RB1: variants seen among roughly 807,000 people sequenced by gnomAD.
RB1 encodes the protein RB transcriptional corepressor 1.
Under a neutral mutation model 135.4 loss-of-function variants are expected in RB1, and 18 were observed. The observed-to-expected ratio is 0.13, with a 90% CI of 0.09 to 0.20. The LOEUF is 0.20. Ranked by LOEUF, RB1 falls within the 10% of genes least tolerant of loss-of-function variation. The pLI is 1.00. For synonymous variants in RB1, 365 were observed against 373.2 expected (o/e 0.98, Z 0.25); for missense variants, 868 against 1,110.0 (o/e 0.78, Z 3.10).
rs1259675361 is a variant in RB1, at chr13:48,324,660, A to T, written c.264+17254A>T. ...ATGTCTTGGCTGTTGGGAAAAATGC[A>T]GCATTCAACATGGGAATGCAGATAT... is the stretch of plus-strand genomic sequence containing the variant. On this transcript the variant is annotated intron_variant, in intron 2 of 26. Coordinates refer to ENST00000267163, the MANE Select transcript of RB1 (RefSeq NM_000321.3). Among the ~76,000 whole-genome samples the T allele has an allele frequency of 3.9e-5, 6 of 152,280 alleles. No homozygotes were observed. In the East Asian group the frequency reaches 9.6e-4, roughly 24 times the overall value.
chr13:48,386,945 G>A lies in RB1; in HGVS notation c.1695+5502G>A, dbSNP rs567502177. Among the ~76,000 whole-genome samples the A allele has an allele frequency of 1.9e-4, 29 of 152,216 alleles. 2 individuals are homozygous for A. The highest frequency in any genetic ancestry group is 7.0e-4 in the African/African-American group (29 of 41,538). ...CTTAAAATACGAAAAATTTATTTCG[G>A]TTCATTGAGATTGTTTCCAGTTCCG... is the stretch of plus-strand genomic sequence containing the variant. On this transcript the variant is annotated intron_variant, in intron 17 of 26. Transcript: ENST00000267163.
chr13:48,463,667 T>C, intron 20 of RB1, 64 bp from the exon 21 acceptor site: 2 of 1,014,852 alleles, frequency 2.0e-6, no homozygotes, highest in Non-Finnish European at 3.1e-6. Context: ...AAGAAAATGG[T>C]ATTTTTTAAG....
chr13:48,304,782 A>G (rs189139161), intron 1 of RB1, among the ~76,000 whole-genome samples: 106 of 151,976 alleles, frequency 7.0e-4, no homozygotes, highest in African/African-American at 2.5e-3. Flanking sequence ...TTCCTGTTTG[A>G]TGAACTCTTC....
At chr13:48,327,571 A>G (rs1420482364) in intron 2 of RB1, among the ~76,000 whole-genome samples, 3 of 152,224 alleles carry the variant, frequency 2.0e-5, no homozygotes, top group African/African-American at 7.2e-5. Context: ...ACAAATGCCC[A>G]TGAAGAAAAA....
At chr13:48,377,250 C>T (rs954926678) in intron 13 of RB1, among the ~76,000 whole-genome samples, 1 of 152,014 alleles carries the variant, frequency 6.6e-6, no homozygotes, top group Non-Finnish European at 1.5e-5. Flanking sequence ...TAAAGGAACA[C>T]ATAGCCATTG....
rs2138335837 is a variant in RB1 at position 48,459,698 on chromosome 13, A to G, written c.1971A>G (p.Leu657=). 6.2e-7 allele frequency: 1 copy of G among 1,614,094 alleles called. No individual in the cohort carries two copies. Among genetic ancestry groups the G allele is most frequent in the Non-Finnish European group, 8.5e-7 (1 of 1,179,996 alleles). ...TTCTTATTCCCACAGTGTATCGGCT[A>G]GCCTATCTCCGGCTAAATACACTTT... ...LSLFYKKVYR[L]AYLRLNTLCE... The change falls in exon 20 of 27, where the codon CTA becomes CTG. Residue 657 remains leucine (L), a synonymous_variant. Coordinates refer to ENST00000267163, the MANE Select transcript of RB1 (RefSeq NM_000321.3).
intron 23 of RB1, among the ~76,000 whole-genome samples, chr13:48,466,225 T>G (rs1307914583): frequency 4.1e-5 from 3 of 72,934 alleles, no homozygotes; most frequent in African/African-American, 1.2e-4. Flanking sequence ...ACGGGCAGAC[T>G]GCCTCCTCAA....
Position 48,459,755 on chromosome 13 carries a change from A to G in RB1, c.2028A>G (p.Leu676=), listed in dbSNP as rs2138336143. ...CERLLSEHPE[L]EHIIWTLFQH... is the part of the protein sequence containing the mutation. ...GCCTTCTGTCTGAGCACCCAGAATT[A>G]GAACATATCATCTGGACCCTTTTCC... The change falls in exon 20 of 27, where the codon TTA becomes TTG. Residue 676 remains leucine, a synonymous_variant. Transcript: ENST00000267163. 6.2e-7 allele frequency: 1 copy of G among 1,613,894 alleles called. No homozygotes were observed. The highest frequency in any genetic ancestry group is 8.5e-7 in the Non-Finnish European group (1 of 1,179,860).
chr13:48,316,282 G>A (rs1365444027), intron 2 of RB1, among the ~76,000 whole-genome samples: 1 of 151,900 alleles, frequency 6.6e-6, no homozygotes, highest in Non-Finnish European at 1.5e-5. Flanking sequence ...GGGGGCGGGG[G>A]TGTCCTCTGT....
intron 17 of RB1, among the ~76,000 whole-genome samples, chr13:48,395,384 G>C (rs1355262074): frequency 6.6e-6 from 1 of 151,992 alleles, no homozygotes; most frequent in Non-Finnish European, 1.5e-5. Context: ...GGAGTTTGAC[G>C]AATTGACAGA....
chr13:48,432,475 C>T lies in RB1; in HGVS notation c.1696-20518C>T, dbSNP rs143887671. On this transcript the variant is annotated intron_variant, in intron 17 of 26. Coordinates refer to ENST00000267163, the MANE Select transcript of RB1 (RefSeq NM_000321.3). ...CAGTGTTCTGAAACTAAATACTTCTCGGAGAGTAGCTGTCTCTCATTAAAG... is the reference window on the plus strand; with the variant it reads ...CAGTGTTCTGAAACTAAATACTTCTTGGAGAGTAGCTGTCTCTCATTAAAG... Among the ~76,000 whole-genome samples the T allele has an allele frequency of 7.1e-4, 107 of 150,832 alleles. 3 individuals are homozygous for T. The East Asian group carries it at 0.02, about 29-fold the overall frequency.
chr13:48,351,548 GTTGA>G (rs1952547873), intron 6 of RB1, among the ~76,000 whole-genome samples: 3 of 152,100 alleles, frequency 2.0e-5, no homozygotes, highest in South Asian at 4.1e-4. Flanking sequence ...CATTTACTCT[GTTGA>G]TTGTTTCTTT....
Position 48,367,595 on chromosome 13 carries a change from T to A in RB1, c.1041T>A (p.Ser347=), listed in dbSNP as rs1354204219. 6.2e-7 allele frequency: 1 copy of A among 1,603,572 alleles called. No homozygotes were observed. The highest frequency in any genetic ancestry group is 1.7e-5 in the Admixed American group (1 of 59,674). The change falls in exon 10 of 27, where the codon TCT becomes TCA. Residue 347 remains serine (S), a synonymous_variant. Transcript: ENST00000267163. ...LDHDKTLQTD[S]IDSFETQRTP... The stretch of plus-strand genomic sequence containing the variant: ...ATGATAAAACTCTTCAGACTGATTC[T>A]ATAGACAGGTATTGCACATGGTATA...
chr13:48,340,121 C>T (rs1952429734), intron 2 of RB1, among the ~76,000 whole-genome samples: 1 of 152,070 alleles, frequency 6.6e-6, no homozygotes, highest in African/African-American at 2.4e-5. Flanking sequence ...GAACTTCAAT[C>T]CTTACCTCAC....
rs374921947 is a variant in RB1 at position 48,359,971 on chromosome 13, G to T, written c.608-46G>T. 7.0e-5 allele frequency: 112 copies of T among 1,603,072 alleles called. 1 individual carries two copies. Among genetic ancestry groups the T allele is most frequent in the Non-Finnish European group, 8.8e-5 (104 of 1,176,534 alleles). On this transcript the variant is annotated intron_variant, in intron 6 of 26. Coordinates refer to ENST00000267163, the MANE Select transcript of RB1 (RefSeq NM_000321.3). ...ACCCTGCGATTTTCTCTCATACAAA[G>T]ATCTGAATCTCTAACTTTCTTTAAA...
intron 1 of RB1, among the ~76,000 whole-genome samples, chr13:48,306,358 T>C (rs1416556434): frequency 6.6e-6 from 1 of 152,222 alleles, no homozygotes; most frequent in Admixed American, 6.5e-5. Context: ...TGAGCCATGA[T>C]TTCACCACTG....
chr13:48,438,487 A>G (rs1203340979), intron 17 of RB1, among the ~76,000 whole-genome samples: 1 of 152,110 alleles, frequency 6.6e-6, no homozygotes, highest in Non-Finnish European at 1.5e-5. Context: ...TCTGATTTTC[A>G]TGGCACCCTG....
intron 8 of RB1, among the ~76,000 whole-genome samples, chr13:48,363,498 A>G (rs562580575): frequency 1.3e-5 from 2 of 152,332 alleles, no homozygotes; most frequent in South Asian, 4.1e-4. Flanking sequence ...TTGAGGTTAC[A>G]GTGAGACATG....
rs1593411786 is a variant in RB1, at chr13:48,303,848, T to G, written c.-65T>G. 22 of 1,494,942 alleles carry G rather than the reference T, an allele frequency of 1.5e-5. No individual in the cohort carries two copies. The highest frequency in any genetic ancestry group is 4.7e-4 in the Middle Eastern group (2 of 4,276). The allele number at this position is 1,494,942 out of a possible 1,614,324, so 92.6% of individuals were successfully genotyped here. A position where few individuals can be genotyped will look rare whatever the true frequency, so the allele number is the denominator to read the frequency against. On this transcript the variant is annotated 5_prime_UTR_variant, in exon 1 of 27. Coordinates refer to ENST00000267163, the MANE Select transcript of RB1 (RefSeq NM_000321.3). ...GGAGAGGACGGGGCGTGCCCCGACG[T>G]GCGCGCGCGTCGTCCTCCCCGGCGC...
Sources: gnomAD v4.1 joint callset for allele counts (sites outside exome capture counted in the v4.1 genomes callset) on GRCh38, gnomAD v4.1.1 for gene constraint, MANE v1.5 for transcripts, NCBI Gene and HGNC (gene_info 2026-07-23, HGNC 2026-07-21) for gene names.